The following OR2V1 variants were observed in gnomAD, a reference collection of about 807,000 sequenced individuals.
OR2V1 encodes the protein olfactory receptor 2V1.
A neutral mutation model predicts 15.0 loss-of-function variants in OR2V1; 18 were observed. That is an observed-to-expected ratio of 1.20 (90% CI 0.83 to 1.78). The LOEUF (loss-of-function observed/expected upper bound fraction) is 1.78, where lower values mean the gene tolerates loss of function less well. OR2V1 is among the 40% of genes most tolerant of loss of function. The pLI, the probability that OR2V1 is intolerant of heterozygous loss-of-function variation, is 0.00. For missense variants in OR2V1, 359 were observed against 392.9 expected, an observed-to-expected ratio of 0.91 and a Z score of 0.73; for synonymous variants, 144 against 146.1, an observed-to-expected ratio of 0.99 and a Z score of 0.10.
chr5:181,130,507 T>A (rs1251485300), intron 1 of OR2V1: 3 of 350,354 alleles, frequency 8.6e-6, no homozygotes, highest in African/African-American at 6.2e-5. Context: ...CACCCAGGAT[T>A]CCCACCTGCC....
rs138527704 is a variant in OR2V1, at chr5:181,125,120, A to G, written c.185T>C (p.Phe62Ser). ...CATGAGGGAGAGCTGGCTGAGGAAGAAGTACATGGGGGTGTGAAGTCCAGC... is the reference window on the plus strand; with the variant it reads ...CATGAGGGAGAGCTGGCTGAGGAAGGAGTACATGGGGGTGTGAAGTCCAGC... ...LDAGLHTPMY[F>S]FLSQLSLMDL... Residue 62 changes from phenylalanine to serine, a missense_variant, in exon 4 of 4, where the codon TTC becomes TCC. Transcript: ENST00000641551. The G allele has an allele frequency of 2.1e-4, 344 of 1,614,226 alleles. No individual in the cohort carries two copies. In the East Asian group the frequency reaches 6.8e-3, roughly 32 times the overall value.
Position 181,125,225 on chromosome 5 carries a change from A to C in OR2V1, c.80T>G (p.Val27Gly). Residue 27 changes from valine to glycine, a missense_variant, in exon 4 of 4, where the codon GTC becomes GGC. Transcript: ENST00000641551. ...GIFSHSQTDLVLFSAVMVVFT... is the reference protein window; with the variant it reads ...GIFSHSQTDLGLFSAVMVVFT... ...GACCACCATAACTGCAGAGAAGAGG[A>C]CAAGGTCAGTCTGGCTGTGGGAAAA... 1 of 1,614,152 alleles carries C rather than the reference A, an allele frequency of 6.2e-7. No individual in the cohort carries two copies. Among genetic ancestry groups the C allele is most frequent in the Non-Finnish European group, 8.5e-7 (1 of 1,180,032 alleles).
At position 181,123,406 on chromosome 5, in the gene OR2V1, C is replaced by G. The variant is rs1762827544; in HGVS notation, c.*951G>C. 1 of 154,274 alleles carries G rather than the reference C, an allele frequency of 6.5e-6. No individual in the cohort carries two copies. Among genetic ancestry groups the G allele is most frequent in the South Asian group, 1.8e-4 (1 of 5,538 alleles). The allele number at this position is 154,274 out of a possible 1,614,324, so 9.6% of individuals were successfully genotyped here. On this transcript the variant is annotated 3_prime_UTR_variant, in exon 4 of 4. Coordinates refer to ENST00000641551, the MANE Select transcript of OR2V1 (RefSeq NM_001258283.2). ...TTTTAGGGAGACATGAGACATCAAT[C>G]AATGTATGTAAGAAATACACTGGTT...
intron 3 of OR2V1, among the ~76,000 whole-genome samples, chr5:181,129,116 C>T (rs148670153): frequency 0.011 from 1,658 of 152,276 alleles, 23 homozygotes; most frequent in Middle Eastern, 0.065. Flanking sequence ...TCTGTAGTCC[C>T]AGCTACTCAG....
chr5:181,129,261 G>A (rs1048517882), intron 3 of OR2V1, among the ~76,000 whole-genome samples: 1 of 151,770 alleles, frequency 6.6e-6, no homozygotes, highest in African/African-American at 2.4e-5. Context: ...ACATTACCTG[G>A]GCGTGGTGGT....
intron 3 of OR2V1, among the ~76,000 whole-genome samples, chr5:181,128,071 A>G (rs80319358): frequency 1.7e-3 from 266 of 152,120 alleles, no homozygotes; most frequent in Admixed American, 4.2e-3. Flanking sequence ...AAGTGGCCAA[A>G]CAGACCACCT....
rs1260790546 is a variant in OR2V1 at position 181,125,091 on chromosome 5, G to A, written c.214C>T (p.Leu72Phe). Residue 72 changes from leucine to phenylalanine, a missense_variant, in exon 4 of 4, where the codon CTC (leucine) becomes TTC (phenylalanine). Physicochemically the swap from Leu to Phe is conservative, Grantham distance 22 (BLOSUM62 0). Transcript: ENST00000641551. ...GGCACAATGTTACAGACCAACATGA[G>A]GTCCATGAGGGAGAGCTGGCTGAGG... is the stretch of plus-strand genomic sequence containing the variant. ...FFLSQLSLMD[L>F]MLVCNIVPKM... is the part of the protein sequence containing the mutation. 2 of 1,614,220 alleles carry A rather than the reference G, an allele frequency of 1.2e-6. No homozygotes were observed. Among genetic ancestry groups the A allele is most frequent in the East Asian group, 2.2e-5 (1 of 44,884 alleles).
At chr5:181,126,515 GAC>G (rs531733562) in intron 3 of OR2V1, among the ~76,000 whole-genome samples, 1 of 147,260 alleles carries the variant, frequency 6.8e-6, no homozygotes, top group Non-Finnish European at 1.5e-5. Flanking sequence ...CAGACATATA[GAC>G]ACACACACAG....
rs764416721 is a variant in OR2V1 at position 181,125,131 on chromosome 5, G to A, written c.174C>T (p.Thr58=). The A allele has an allele frequency of 1.7e-5, 28 of 1,614,054 alleles. No individual in the cohort carries two copies. The African/African-American group carries it at 2.7e-4, about 15-fold the overall frequency. Residue 58 remains threonine, a synonymous_variant, in exon 4 of 4, where the codon ACC becomes ACT. Coordinates refer to ENST00000641551, the MANE Select transcript of OR2V1 (RefSeq NM_001258283.2). ...FLIYLDAGLH[T]PMYFFLSQLS... is the part of the protein sequence containing the mutation. Reference sequence around the variant, plus strand: ...GCTGGCTGAGGAAGAAGTACATGGGGGTGTGAAGTCCAGCGTCCAGGTAGA... The same window carrying A: ...GCTGGCTGAGGAAGAAGTACATGGGAGTGTGAAGTCCAGCGTCCAGGTAGA...
rs1260866803 is a variant in OR2V1 at position 181,124,201 on chromosome 5, A to G, written c.*156T>C. The G allele has an allele frequency of 1.6e-6, 1 of 606,372 alleles. No individual in the cohort carries two copies. Among genetic ancestry groups the G allele is most frequent in the Admixed American group, 3.6e-5 (1 of 27,570 alleles). 37.6% of individuals were successfully genotyped at this position (606,372 alleles called of 1,614,324 possible). ...TCTTTTTTTCCTTTTTTTTTGGTAC[A>G]GAAATGTTCATAATGGCTTTTCTCA... On this transcript the variant is annotated 3_prime_UTR_variant, in exon 4 of 4. Coordinates refer to ENST00000641551, the MANE Select transcript of OR2V1 (RefSeq NM_001258283.2).
At position 181,125,122 on chromosome 5, in the gene OR2V1, G is replaced by A. The variant is rs768016252; in HGVS notation, c.183C>T (p.Tyr61=). 6.2e-7 allele frequency: 1 copy of A among 1,614,210 alleles called. No individual in the cohort carries two copies. Among genetic ancestry groups the A allele is most frequent in the Middle Eastern group, 1.6e-4 (1 of 6,062 alleles). The change falls in exon 4 of 4, where the codon TAC becomes TAT. Residue 61 remains tyrosine, a synonymous_variant. Transcript: ENST00000641551. ...YLDAGLHTPM[Y]FFLSQLSLMD... is the part of the protein sequence containing the mutation. ...TGAGGGAGAGCTGGCTGAGGAAGAA[G>A]TACATGGGGGTGTGAAGTCCAGCGT...
chr5:181,130,251 C>T (rs1420790076), intron 1 of OR2V1, 36 bp from the exon 2 acceptor site: 2 of 398,834 alleles, frequency 5.0e-6, no homozygotes, highest in Non-Finnish European at 8.8e-6. Flanking sequence ...GCCATGCACT[C>T]ATCCTCCTGT....
intron 3 of OR2V1, among the ~76,000 whole-genome samples, chr5:181,127,495 C>T (rs1029649365): frequency 2.0e-5 from 3 of 152,164 alleles, no homozygotes; most frequent in African/African-American, 7.2e-5. Context: ...TCACGTCCAC[C>T]TTACCTCACT....
At chr5:181,126,927 TC>T (rs1405137536) in intron 3 of OR2V1, among the ~76,000 whole-genome samples, 1 of 152,168 alleles carries the variant, frequency 6.6e-6, no homozygotes, top group African/African-American at 2.4e-5. Context: ...CGCACCTCCA[TC>T]CTTTGCTGGT....
Position 181,125,229 on chromosome 5 carries a change from G to A in OR2V1, c.76C>T (p.Leu26Phe), listed in dbSNP as rs750728431. 1.8e-5 allele frequency: 29 copies of A among 1,613,938 alleles called. No individual in the cohort carries two copies. Among genetic ancestry groups the A allele is most frequent in the Non-Finnish European group, 2.4e-5 (28 of 1,180,034 alleles). The change falls in exon 4 of 4, where the codon CTT becomes TTT. Residue 26 changes from leucine to phenylalanine, a missense_variant. By Grantham distance (22) the Leu-to-Phe change is conservative (BLOSUM62 0). Coordinates refer to ENST00000641551, the MANE Select transcript of OR2V1 (RefSeq NM_001258283.2). ...LGIFSHSQTD[L>F]VLFSAVMVVF... ...ACCATAACTGCAGAGAAGAGGACAA[G>A]GTCAGTCTGGCTGTGGGAAAAGATG...
intron 3 of OR2V1, among the ~76,000 whole-genome samples, chr5:181,126,049 G>T (rs1007022667): frequency 6.6e-6 from 1 of 152,134 alleles, no homozygotes; most frequent in African/African-American, 2.4e-5. Flanking sequence ...TCTTTACTTT[G>T]TTCAGGTCAA....
intron 3 of OR2V1, among the ~76,000 whole-genome samples, chr5:181,126,457 C>CAGAG (rs61186355): frequency 7.1e-5 from 9 of 125,986 alleles, no homozygotes; most frequent in African/African-American, 2.5e-4. Flanking sequence ...CACACACACA[C>CAGAG]AGAGACACAC....
Position 181,124,433 on chromosome 5 carries a change from T to C in OR2V1, c.872A>G (p.Tyr291Cys), listed in dbSNP as rs756038462. The C allele has an allele frequency of 9.3e-6, 15 of 1,613,452 alleles. No homozygotes were observed. The African/African-American group carries it at 1.7e-4, about 19-fold the overall frequency. The change falls in exon 4 of 4, where the codon TAC becomes TGC. Residue 291 changes from tyrosine to cysteine, a missense_variant. By Grantham distance (194) the Tyr-to-Cys change is radical. Transcript: ENST00000641551. ...CATCACCTCCCCATTCCTCAAGCTG[T>C]AAATGAGGGGGTTCAGCATGGGAGT... ...VLTPMLNPLI[Y>C]SLRNGEVMGA...
Position 181,125,044 on chromosome 5 carries a change from C to G in OR2V1, c.261G>C (p.Leu87=). ...NIVPKMAANF[L]SGRKSISFVG... ...CAAAGGAGATGGACTTCCTGCCAGA[C>G]AGGAAGTTGGCTGCCATCTTTGGCA... Residue 87 remains leucine, a synonymous_variant, in exon 4 of 4, where the codon CTG becomes CTC. Coordinates refer to ENST00000641551, the MANE Select transcript of OR2V1 (RefSeq NM_001258283.2). 1 of 1,614,224 alleles carries G rather than the reference C, an allele frequency of 6.2e-7. No individual in the cohort carries two copies.
Sources: allele counts gnomAD v4.1 joint callset (sites outside exome capture counted in the v4.1 genomes callset), GRCh38; gene constraint gnomAD v4.1.1; transcripts MANE v1.5; gene names NCBI Gene and HGNC (gene_info 2026-07-23, HGNC 2026-07-21).